Variants in FAM110B observed in about 807,000 individuals in gnomAD.
FAM110B encodes family with sequence similarity 110 member B, also known as protein FAM110B.
Under a neutral mutation model 20.4 loss-of-function variants are expected in FAM110B, and 6 were observed. The observed-to-expected ratio is 0.29, with a 90% CI of 0.16 to 0.58. The LOEUF (loss-of-function observed/expected upper bound fraction) is 0.58. FAM110B is among the 20% of genes least tolerant of loss of function. The pLI, the probability that FAM110B is intolerant of heterozygous loss-of-function variation, is 0.90. For synonymous variants in FAM110B, 226 were observed against 214.1 expected (o/e 1.06, Z -0.49); for missense variants, 434 against 498.2 (o/e 0.87, Z 1.23).
chr8:58,075,275 T>TG (rs1554521069), intron 2 of FAM110B, among the ~76,000 whole-genome samples: 323 of 141,714 alleles, frequency 2.3e-3, no homozygotes, highest in East Asian at 3.4e-3. Context: ...TTTTTTTTTT[T>TG]TGTGTGTGTG....
chr8:58,032,705 T>G (rs984354243), intron 2 of FAM110B: 8 of 152,214 alleles, frequency 5.3e-5, no homozygotes, highest in African/African-American at 1.9e-4. Flanking sequence ...GTAGTCACTT[T>G]GTAGTCCAGA....
chr8:58,050,459 T>C (rs1271137120), intron 2 of FAM110B, among the ~76,000 whole-genome samples: 1 of 152,178 alleles, frequency 6.6e-6, no homozygotes, highest in African/African-American at 2.4e-5. Context: ...CACAGCCCTC[T>C]CAAGTAAGGC....
chr8:58,058,335 GA>G lies in FAM110B; in HGVS notation c.-413-17189del, dbSNP rs11458008. Reference sequence around the variant, plus strand: ...TAAGAACGATATCAGAGACAAAAAGGAAAAAAAAAAAGACAATTGTGAATAC... The same window carrying G: ...TAAGAACGATATCAGAGACAAAAAGGAAAAAAAAAAGACAATTGTGAATAC... On this transcript the variant is annotated intron_variant, in intron 2 of 3. Coordinates refer to ENST00000519262, the MANE Select transcript of FAM110B (RefSeq NM_001377989.1). Among the ~76,000 whole-genome samples the G allele has an allele frequency of 1.0e-3, 146 of 143,976 alleles. 2 individuals are homozygous for G. The highest frequency in any genetic ancestry group is 2.8e-3 in the African/African-American group (112 of 39,930). The allele number at this position is 143,976 out of a possible 152,430, so 94.5% of individuals were successfully genotyped here. A position where few individuals can be genotyped will look rare whatever the true frequency, so the allele number is the denominator to read the frequency against.
rs569447066 is a variant in FAM110B, at chr8:58,108,017, T to A, written c.-325+32394T>A. Among the ~76,000 whole-genome samples the A allele has an allele frequency of 2.1e-4, 32 of 152,370 alleles. No homozygotes were observed. In the South Asian group the frequency reaches 6.4e-3, roughly 31 times the overall value. The stretch of plus-strand genomic sequence containing the variant: ...ACTAATGTAACGTCCCAATCCATTG[T>A]GTAGCAGAGAAGCTAGTTGAATTTG... On this transcript the variant is annotated intron_variant, in intron 3 of 3. Transcript: ENST00000519262.
chr8:58,113,353 G>C (rs1156582736), intron 3 of FAM110B: 3 of 219,332 alleles, frequency 1.4e-5, no homozygotes, highest in Non-Finnish European at 2.9e-5. Flanking sequence ...TGTGCCATTA[G>C]CCTTTTCCCA....
chr8:58,125,647 A>G (rs1807480334), intron 3 of FAM110B, among the ~76,000 whole-genome samples: 1 of 152,260 alleles, frequency 6.6e-6, no homozygotes, highest in African/African-American at 2.4e-5. Flanking sequence ...ACCCTAGGTT[A>G]TTTTCTCAAT....
At chr8:58,079,062 C>G (rs780557033) in intron 3 of FAM110B, among the ~76,000 whole-genome samples, 5 of 152,152 alleles carry the variant, frequency 3.3e-5, no homozygotes. Context: ...TCATCATCCT[C>G]TCATGCCAGC....
intron 1 of FAM110B, among the ~76,000 whole-genome samples, chr8:58,017,360 A>T (rs1804660234): frequency 6.6e-6 from 1 of 152,220 alleles, no homozygotes; most frequent in South Asian, 2.1e-4. Context: ...TGAAAACCTG[A>T]AAGTCGAGTT....
In FAM110B at chr8:58,106,818, C is replaced by A. The variant is rs569085018; in HGVS notation, c.-325+31195C>A. Among the ~76,000 whole-genome samples, 6 of 152,334 alleles carry A rather than the reference C, an allele frequency of 3.9e-5. No homozygotes were observed. In the East Asian group the frequency reaches 9.6e-4, roughly 24 times the overall value. On this transcript the variant is annotated intron_variant, in intron 3 of 3. Coordinates refer to ENST00000519262, the MANE Select transcript of FAM110B (RefSeq NM_001377989.1). ...GAAGTCACACACCATTCAGACTACT[C>A]CTGATACATTTTTAAAACTGAAAGA...
At chr8:58,057,304 G>A (rs971180300) in intron 2 of FAM110B, among the ~76,000 whole-genome samples, 1 of 152,168 alleles carries the variant, frequency 6.6e-6, no homozygotes, top group Admixed American at 6.5e-5. Flanking sequence ...AAAGTGCTGG[G>A]CTTGTTGATA....
intron 2 of FAM110B, among the ~76,000 whole-genome samples, chr8:58,071,899 C>A (rs78650108): frequency 6.6e-6 from 1 of 152,134 alleles, no homozygotes; most frequent in South Asian, 2.1e-4. Context: ...TTCCTTGATA[C>A]AAACCACGCC....
At chr8:58,141,531 T>C (rs529744083) in intron 3 of FAM110B, among the ~76,000 whole-genome samples, 2 of 152,340 alleles carry the variant, frequency 1.3e-5, no homozygotes, top group South Asian at 2.1e-4. Flanking sequence ...CATTCTCACA[T>C]AGAAACTTCT....
intron 1 of FAM110B, among the ~76,000 whole-genome samples, chr8:58,020,356 T>C (rs1804726414): frequency 6.6e-6 from 1 of 152,242 alleles, no homozygotes; most frequent in Admixed American, 6.5e-5. Context: ...TTTTGAAATT[T>C]TAAAAATTTT....
chr8:58,016,711 C>G (rs1353377937), intron 1 of FAM110B, among the ~76,000 whole-genome samples: 1 of 152,176 alleles, frequency 6.6e-6, no homozygotes, highest in East Asian at 1.9e-4. Flanking sequence ...TTGTCATGTT[C>G]TGTGCCCTCC....
At chr8:58,112,879 C>G (rs1249922369) in intron 3 of FAM110B, among the ~76,000 whole-genome samples, 1 of 152,194 alleles carries the variant, frequency 6.6e-6, no homozygotes, top group Non-Finnish European at 1.5e-5. Context: ...TAACAAAATA[C>G]CATACCCTTG....
chr8:58,129,201 T>A (rs1401838690), intron 3 of FAM110B, among the ~76,000 whole-genome samples: 1 of 152,086 alleles, frequency 6.6e-6, no homozygotes, highest in Non-Finnish European at 1.5e-5. Context: ...ACCACCTGAG[T>A]CAGAGTTGGT....
intron 3 of FAM110B, among the ~76,000 whole-genome samples, chr8:58,130,596 A>G (rs1156763856): frequency 2.0e-5 from 3 of 152,222 alleles, no homozygotes; most frequent in African/African-American, 4.8e-5. Flanking sequence ...TGAGCATGCC[A>G]CAAAAACAGG....
chr8:58,129,757 G>A (rs781505316), intron 3 of FAM110B, among the ~76,000 whole-genome samples: 14 of 152,208 alleles, frequency 9.2e-5, no homozygotes, highest in Non-Finnish European at 1.3e-4. Context: ...GGTCTCCAGT[G>A]CCCACGGCTG....
chr8:58,122,260 C>T (rs1329760009), intron 3 of FAM110B, among the ~76,000 whole-genome samples: 1 of 152,138 alleles, frequency 6.6e-6, no homozygotes, highest in African/African-American at 2.4e-5. Context: ...CTCTCTTTGT[C>T]TCTGGTGCTC....
Sources: gnomAD v4.1 joint callset for allele counts (sites outside exome capture counted in the v4.1 genomes callset) on GRCh38, gnomAD v4.1.1 for gene constraint, MANE v1.5 for transcripts, NCBI Gene and HGNC (gene_info 2026-07-23, HGNC 2026-07-21) for gene names.